The following ADGB variants were observed in gnomAD, a reference collection of about 807,000 sequenced individuals.
The protein encoded by ADGB is calpain-7-like protein.
In ADGB, 172 loss-of-function variants were observed where a neutral mutation model predicts 210.5. The ratio of observed to expected loss-of-function variants is 0.82; its 90% CI spans 0.72 to 0.93. The LOEUF (loss-of-function observed/expected upper bound fraction) is 0.93, where lower values mean the gene tolerates loss of function less well. ADGB is among the 40% of genes least tolerant of loss of function. The probability of loss-of-function intolerance (pLI) is 0.00; values close to 1 mark genes in which losing one functional copy is unlikely to be tolerated. For synonymous variants in ADGB, 658 were observed against 662.7 expected (o/e 0.99, Z 0.11); for missense variants, 2,025 against 1,964.8 (o/e 1.03, Z -0.58).
At chr6:146,643,378 G>T (rs2114869022) in intron 2 of ADGB, among the ~76,000 whole-genome samples, 1 of 151,902 alleles carries the variant, frequency 6.6e-6, no homozygotes, top group South Asian at 2.1e-4. Flanking sequence ...ATTTCTTCCT[G>T]TCCTTATTAA....
At chr6:146,664,655 A>G (rs1008299093) in intron 6 of ADGB, among the ~76,000 whole-genome samples, 4 of 152,052 alleles carry the variant, frequency 2.6e-5, no homozygotes, top group Admixed American at 6.6e-5. Flanking sequence ...GTTTTGTGGG[A>G]GAAAAATATT....
intron 12 of ADGB, among the ~76,000 whole-genome samples, chr6:146,695,612 A>G (rs1776391509): frequency 6.6e-6 from 1 of 151,718 alleles, no homozygotes; most frequent in African/African-American, 2.4e-5. Context: ...GTTAATTAAT[A>G]TTATATAAAA....
At chr6:146,763,416 T>C (rs192217748) in intron 27 of ADGB, among the ~76,000 whole-genome samples, 64 of 152,338 alleles carry the variant, frequency 4.2e-4, no homozygotes, top group African/African-American at 1.4e-3. Flanking sequence ...TCAGCAGTAC[T>C]TATATGATCT....
At chr6:146,678,685 G>A (rs574240512) in intron 9 of ADGB, among the ~76,000 whole-genome samples, 222 of 152,212 alleles carry the variant, frequency 1.5e-3, no homozygotes, top group Non-Finnish European at 2.7e-3. Flanking sequence ...AGTTTTAAAC[G>A]CCAAGGAGAT....
intron 1 of ADGB, 97 bp downstream of exon 1, chr6:146,599,211 CAGA>C (rs1780515718): frequency 8.5e-7 from 1 of 1,181,954 alleles, no homozygotes; most frequent in South Asian, 1.3e-5. Context: ...TGTGCCAGGG[CAGA>C]AGTTTAGTGG....
chr6:146,741,395 TC>T (rs1777161935), intron 25 of ADGB, 124 bp downstream of exon 25: 3 of 797,476 alleles, frequency 3.8e-6, no homozygotes, highest in African/African-American at 1.8e-5. Context: ...AAGGCCCTGA[TC>T]TTTCACTATA....
At chr6:146,736,467 T>C in intron 22 of ADGB, 31 bp from the exon 23 acceptor site, 2 of 1,378,262 alleles carry the variant, frequency 1.5e-6, no homozygotes, top group Non-Finnish European at 2.0e-6. Context: ...TCTTAAAGCT[T>C]AACGTTTTTA....
intron 2 of ADGB, among the ~76,000 whole-genome samples, chr6:146,643,039 A>G (rs1775541398): frequency 6.6e-6 from 1 of 151,960 alleles, no homozygotes; most frequent in Non-Finnish European, 1.5e-5. Flanking sequence ...ATTGTTAGAT[A>G]AAGGACTTTA....
intron 1 of ADGB, among the ~76,000 whole-genome samples, chr6:146,606,122 T>C (rs1244929165): frequency 1.3e-5 from 2 of 152,204 alleles, no homozygotes; most frequent in East Asian, 1.9e-4. Context: ...CCATTCTTAA[T>C]GGTGTGAGAT....
At chr6:146,728,041 ACCAC>A (rs1776923082) in intron 19 of ADGB, among the ~76,000 whole-genome samples, 1 of 152,150 alleles carries the variant, frequency 6.6e-6, no homozygotes, top group Admixed American at 6.6e-5. Context: ...CAACTCCAGG[ACCAC>A]CCACCGTACA....
chr6:146,692,754 G>T, intron 11 of ADGB, 71 bp from the exon 12 acceptor site: 1 of 796,274 alleles, frequency 1.3e-6, no homozygotes, highest in Non-Finnish European at 2.0e-6. Flanking sequence ...TGTATTAAAT[G>T]TTAAATTCTG....
intron 2 of ADGB, among the ~76,000 whole-genome samples, chr6:146,636,343 A>T (rs1272120572): frequency 6.6e-6 from 1 of 152,080 alleles, no homozygotes; most frequent in African/African-American, 2.4e-5. Flanking sequence ...TTCACAAAAG[A>T]TTGTATCACA....
chr6:146,754,113 T>C (rs1777365417), intron 27 of ADGB, among the ~76,000 whole-genome samples: 1 of 151,504 alleles, frequency 6.6e-6, no homozygotes, highest in Non-Finnish European at 1.5e-5. Context: ...CTGCCTTTCA[T>C]TTTTATAGAA....
At chr6:146,605,662 T>C (rs1362241743) in intron 1 of ADGB, among the ~76,000 whole-genome samples, 1 of 152,172 alleles carries the variant, frequency 6.6e-6, no homozygotes, top group Non-Finnish European at 1.5e-5. Flanking sequence ...GGCCCTGTCA[T>C]AGTCATCTGC....
chr6:146,767,357 A>AT (rs1476112079), intron 28 of ADGB, among the ~76,000 whole-genome samples: 1 of 152,232 alleles, frequency 6.6e-6, no homozygotes, highest in East Asian at 1.9e-4. Flanking sequence ...GAACTAAGAG[A>AT]TTTTGGCAAG....
At chr6:146,702,746 T>A (rs1227515676) in intron 13 of ADGB, among the ~76,000 whole-genome samples, 1 of 151,938 alleles carries the variant, frequency 6.6e-6, no homozygotes. Context: ...GTAGTTTATT[T>A]CTATCAATCT....
intron 29 of ADGB, among the ~76,000 whole-genome samples, chr6:146,780,812 A>C (rs946593114): frequency 3.9e-5 from 6 of 152,144 alleles, no homozygotes; most frequent in Non-Finnish European, 7.4e-5. Context: ...TAGCAAGGAA[A>C]TAGAAGGCTT....
intron 31 of ADGB, among the ~76,000 whole-genome samples, chr6:146,785,385 G>A (rs1471062641): frequency 1.3e-5 from 2 of 152,092 alleles, no homozygotes; most frequent in Admixed American, 1.3e-4. Context: ...ATTCTTTTTA[G>A]GGCTGCTTCT....
intron 3 of ADGB, among the ~76,000 whole-genome samples, chr6:146,653,734 T>C (rs1229041439): frequency 1.3e-5 from 2 of 152,066 alleles, no homozygotes; most frequent in Non-Finnish European, 2.9e-5. Context: ...TACCCCAAAC[T>C]TAAAAGTTAA....
Sources: allele counts gnomAD v4.1 joint callset (sites outside exome capture counted in the v4.1 genomes callset), GRCh38; gene constraint gnomAD v4.1.1; transcripts MANE v1.5; gene names NCBI Gene and HGNC (gene_info 2026-07-23, HGNC 2026-07-21).